The following CHIC2 variants were observed in gnomAD, a reference collection of about 807,000 sequenced individuals.
CHIC2 encodes the protein cysteine rich hydrophobic domain 2.
Under a neutral mutation model 25.9 loss-of-function variants are expected in CHIC2, and 14 were observed. The ratio of observed to expected loss-of-function variants is 0.54; its 90% CI spans 0.36 to 0.85. CHIC2 has a LOEUF of 0.85. CHIC2 is among the 40% of genes least tolerant of loss of function. CHIC2 has a pLI of 0.01. For synonymous variants in CHIC2, 70 were observed against 72.0 expected, an observed-to-expected ratio of 0.97 and a Z score of 0.14; for missense variants, 146 against 202.0, an observed-to-expected ratio of 0.72 and a Z score of 1.68.
chr4:54,071,629 T>G, the CHIC2 span, among the ~76,000 whole-genome samples: 4 of 152,208 alleles, frequency 2.6e-5, no homozygotes, highest in Admixed American at 2.6e-4. Context: ...GTTCCTTACA[T>G]CAGTCTTCCT....
intron 3 of CHIC2, among the ~76,000 whole-genome samples, chr4:54,038,321 A>AC (rs1284543626): frequency 6.6e-6 from 1 of 152,232 alleles, no homozygotes; most frequent in Non-Finnish European, 1.5e-5. Flanking sequence ...TATTTTATGT[A>AC]CTAGCAGTGA....
chr4:54,045,514 T>C (rs1401258918), intron 3 of CHIC2, among the ~76,000 whole-genome samples: 2 of 152,168 alleles, frequency 1.3e-5, no homozygotes, highest in Non-Finnish European at 2.9e-5. Flanking sequence ...TCAATAAACG[T>C]AATCCAGCAT....
chr4:54,062,982 T>A (rs1458089367), intron 1 of CHIC2, among the ~76,000 whole-genome samples: 1 of 152,238 alleles, frequency 6.6e-6, no homozygotes, highest in Non-Finnish European at 1.5e-5. Flanking sequence ...GTTTTTACCC[T>A]GTTAAGTCAC....
chr4:54,047,747 T>C (rs1716878699), intron 3 of CHIC2, among the ~76,000 whole-genome samples: 2 of 151,852 alleles, frequency 1.3e-5, no homozygotes, highest in South Asian at 4.2e-4. Context: ...CATGTATACA[T>C]ATGTAACTAA....
At chr4:54,068,377 C>T (rs1355881916), upstream of CHIC2, among the ~76,000 whole-genome samples, 1 of 152,082 alleles carries the variant, frequency 6.6e-6, no homozygotes, top group Non-Finnish European at 1.5e-5. Context: ...TGGTTTGCCC[C>T]TTCCACTATC....
chr4:54,062,193 G>C (rs1203395779), intron 1 of CHIC2, among the ~76,000 whole-genome samples: 3 of 152,278 alleles, frequency 2.0e-5, no homozygotes, highest in Non-Finnish European at 4.4e-5. Context: ...AATGGGAGAA[G>C]AAGGAAGTTG....
At chr4:54,029,609 T>C (rs1239050754) in intron 3 of CHIC2, among the ~76,000 whole-genome samples, 1 of 152,214 alleles carries the variant, frequency 6.6e-6, no homozygotes, top group Non-Finnish European at 1.5e-5. Context: ...ATTTCAAATT[T>C]GTTCTGCCTT....
intron 3 of CHIC2, among the ~76,000 whole-genome samples, chr4:54,036,364 A>G (rs1469278524): frequency 6.6e-6 from 1 of 152,204 alleles, no homozygotes; most frequent in African/African-American, 2.4e-5. Context: ...CAAGCTGTAC[A>G]AGAAGCATGG....
chr4:54,071,503 G>A, the CHIC2 span, among the ~76,000 whole-genome samples: 1 of 152,192 alleles, frequency 6.6e-6, no homozygotes, highest in Non-Finnish European at 1.5e-5. Context: ...CTTGGCCAAG[G>A]CCACACAACT....
At chr4:54,076,762 A>G in the CHIC2 span, 1 of 152,250 alleles carries the variant, frequency 6.6e-6, no homozygotes, top group Admixed American at 6.5e-5. Flanking sequence ...AAGAAAGCAG[A>G]TATATGTAGA....
At chr4:54,080,976 ATATATATAT>A in the CHIC2 span, among the ~76,000 whole-genome samples, 1 of 131,870 alleles carries the variant, frequency 7.6e-6, no homozygotes, top group Non-Finnish European at 1.6e-5. Flanking sequence ...ATATATATAT[ATATATATAT>A]AAAATCATCA....
the CHIC2 span, among the ~76,000 whole-genome samples, chr4:54,089,780 A>G: frequency 6.6e-6 from 1 of 152,236 alleles, no homozygotes; most frequent in Non-Finnish European, 1.5e-5. Context: ...AAAAGAAGTC[A>G]TAGTAAAGGA....
upstream of CHIC2, chr4:54,064,735 G>C: frequency 1.2e-6 from 1 of 808,732 alleles, no homozygotes; most frequent in Non-Finnish European, 1.5e-6. This position sits in a 1 kb window ranked among gnomAD's most constrained non-coding sequence, Gnocchi z 4.2. Flanking sequence ...GCGGGCGGGC[G>C]CGCGCACGTG....
intron 3 of CHIC2, among the ~76,000 whole-genome samples, chr4:54,046,332 C>T (rs376581425): frequency 2.0e-5 from 3 of 151,980 alleles, no homozygotes; most frequent in Admixed American, 6.6e-5. Context: ...AAAAAGAGCC[C>T]GCATCGCCAA....
At chr4:54,079,884 T>C in the CHIC2 span, among the ~76,000 whole-genome samples, 5 of 152,202 alleles carry the variant, frequency 3.3e-5, no homozygotes, top group Non-Finnish European at 5.9e-5. Context: ...GGAACCCTTA[T>C]ACACTGTTGG....
chr4:54,019,377 A>T (rs1475566709), intron 3 of CHIC2, among the ~76,000 whole-genome samples: 1 of 152,166 alleles, frequency 6.6e-6, no homozygotes, highest in Non-Finnish European at 1.5e-5. Flanking sequence ...ACACCCACTG[A>T]AGTATCATGT....
intron 5 of CHIC2, among the ~76,000 whole-genome samples, chr4:54,012,175 C>T (rs1715615402): frequency 1.3e-5 from 2 of 151,552 alleles, no homozygotes; most frequent in Admixed American, 1.3e-4. Context: ...TGTCTTTGTA[C>T]TCCTAGACGC....
the CHIC2 span, among the ~76,000 whole-genome samples, chr4:54,085,889 A>G: frequency 6.6e-6 from 1 of 152,186 alleles, no homozygotes; most frequent in Non-Finnish European, 1.5e-5. Context: ...GTCTAAATCC[A>G]GGATCTGATT....
chr4:54,010,186 A>G, intron 5 of CHIC2, 41 bp from the exon 6 acceptor site: 1 of 1,455,410 alleles, frequency 6.9e-7, no homozygotes, highest in Non-Finnish European at 9.5e-7. Flanking sequence ...GATTTAAACA[A>G]AATTTTTTCT....
Sources: gnomAD v4.1 joint callset for allele counts (sites outside exome capture counted in the v4.1 genomes callset) on GRCh38, gnomAD v4.1.1 for gene constraint, Gnocchi (gnomAD v3.1) non-coding constraint, MANE v1.5 for transcripts, NCBI Gene and HGNC (gene_info 2026-07-23, HGNC 2026-07-21) for gene names.